PRKDC: variants seen among roughly 807,000 people sequenced by gnomAD.
PRKDC encodes DNA-dependent protein kinase catalytic subunit.
A neutral mutation model predicts 486.9 loss-of-function variants in PRKDC; 82 were observed. The ratio of observed to expected loss-of-function variants is 0.17; its 90% CI spans 0.14 to 0.20. The LOEUF (loss-of-function observed/expected upper bound fraction) is 0.20, where lower values mean the gene tolerates loss of function less well. Ranked by LOEUF, PRKDC falls within the 10% of genes least tolerant of loss-of-function variation. PRKDC has a pLI of 1.00. For missense variants in PRKDC, 4,504 were observed against 5,038.2 expected (o/e 0.89, Z 3.21); for synonymous variants, 1,895 against 1,837.0 (o/e 1.03, Z -0.81).
At chr8:47,873,419 A>C (rs1589757135) in intron 40 of PRKDC, among the ~76,000 whole-genome samples, 1 of 152,066 alleles carries the variant, frequency 6.6e-6, no homozygotes, top group East Asian at 1.9e-4. Flanking sequence ...ACTCATCTGT[A>C]ACCCCAGCTA....
Position 47,864,614 on chromosome 8 carries a change from T to G in PRKDC, c.5513A>C (p.Glu1838Ala). 6.2e-7 allele frequency: 1 copy of G among 1,610,228 alleles called. No homozygotes were observed. Among genetic ancestry groups the G allele is most frequent in the Admixed American group, 1.7e-5 (1 of 59,478 alleles). The change falls in exon 41 of 86, where the codon GAA becomes GCA. Residue 1838 changes from glutamate (E) to alanine (A), a missense_variant. Physicochemically the swap from Glu to Ala is moderately radical, Grantham distance 107. Around this residue, in one of 6 missense-constraint regions of PRKDC, gnomAD observed 1,969 missense variants for 2,068.9 expected, o/e 0.95. Transcript: ENST00000314191. ...LWHCSLDALR[E>A]FFSTIVVDAI... Reference sequence around the variant, plus strand: ...ATCCACCACAATTGTGCTGAAGAATTCTCTCAAAGCATCCAGGCTACAGTG... The same window carrying G: ...ATCCACCACAATTGTGCTGAAGAATGCTCTCAAAGCATCCAGGCTACAGTG...
chr8:47,774,229 C>A lies in PRKDC; in HGVS notation c.12331G>T (p.Ala4111Ser). Reference sequence around the variant, plus strand: ...CTGCCAAGGATGTTGGGGTCTGTTGCCTGGTCCATCAGGCACTTCACTTGA... The same window carrying A: ...CTGCCAAGGATGTTGGGGTCTGTTGACTGGTCCATCAGGCACTTCACTTGA... ...ETQVKCLMDQ[A>S]TDPNILGRTW... is the part of the protein sequence containing the mutation. The change falls in exon 86 of 86, where the codon GCA becomes TCA. Residue 4111 changes from alanine (A) to serine (S), a missense_variant. Physicochemically the swap from Ala to Ser is moderately conservative, Grantham distance 99. Transcript: ENST00000314191. The A allele has an allele frequency of 6.2e-7, 1 of 1,600,628 alleles. No individual in the cohort carries two copies.
intron 22 of PRKDC, among the ~76,000 whole-genome samples, chr8:47,915,963 C>CTACG (rs2089976022): frequency 6.6e-6 from 1 of 152,200 alleles, no homozygotes; most frequent in African/African-American, 2.4e-5. Context: ...TCTACGTACT[C>CTACG]TACTATGTTA....
At chr8:47,939,734 T>C (rs1321977158) in intron 10 of PRKDC, 37 bp from the exon 11 acceptor site, 2 of 1,464,752 alleles carry the variant, frequency 1.4e-6, no homozygotes, top group Non-Finnish European at 1.8e-6. Flanking sequence ...TGGAAATATT[T>C]AATAGCAATG....
At chr8:47,882,637 C>T (rs141034618) in intron 36 of PRKDC, among the ~76,000 whole-genome samples, 1 of 152,332 alleles carries the variant, frequency 6.6e-6, no homozygotes, top group Non-Finnish European at 1.5e-5. Context: ...CAAACGCACA[C>T]TTCTTGTTCA....
Position 47,829,974 on chromosome 8 carries a change from A to C in PRKDC, c.8397+631T>G, listed in dbSNP as rs566583067. Among the ~76,000 whole-genome samples, 5 of 152,222 alleles carry C rather than the reference A, an allele frequency of 3.3e-5. 1 individual carries two copies. The South Asian group carries it at 1.0e-3, about 32-fold the overall frequency. On this transcript the variant is annotated intron_variant, in intron 61 of 85. Transcript: ENST00000314191. ...AAAAAGAGCCCGTATAGCCAAAGCAATCCTAAGCAAAAAGAACAAAACTAG... is the reference window on the plus strand; with the variant it reads ...AAAAAGAGCCCGTATAGCCAAAGCACTCCTAAGCAAAAAGAACAAAACTAG...
At chr8:47,775,064 A>G (rs925676781) in intron 85 of PRKDC, among the ~76,000 whole-genome samples, 4 of 151,974 alleles carry the variant, frequency 2.6e-5, no homozygotes, top group African/African-American at 7.2e-5. Flanking sequence ...GCATGAACCT[A>G]TAATTCCAGC....
At chr8:47,850,054 C>T (rs1208141923) in intron 52 of PRKDC, among the ~76,000 whole-genome samples, 1 of 152,152 alleles carries the variant, frequency 6.6e-6, no homozygotes, top group African/African-American at 2.4e-5. Context: ...CCATCTGTCT[C>T]CCCTCCCCAA....
intron 2 of PRKDC, 23 bp from the exon 3 acceptor site, chr8:47,957,286 T>C (rs1217690398): frequency 3.8e-6 from 6 of 1,582,538 alleles, no homozygotes; most frequent in Non-Finnish European, 5.2e-6. Context: ...AGATACATAT[T>C]GTAAATATGG....
intron 68 of PRKDC, among the ~76,000 whole-genome samples, chr8:47,810,207 T>C (rs1357490232): frequency 6.6e-6 from 1 of 152,234 alleles, no homozygotes; most frequent in Non-Finnish European, 1.5e-5. Context: ...GAGAATCCAG[T>C]AGTCCCCCTT....
intron 68 of PRKDC, among the ~76,000 whole-genome samples, chr8:47,812,273 C>G (rs999914173): frequency 6.6e-6 from 1 of 152,160 alleles, no homozygotes; most frequent in Non-Finnish European, 1.5e-5. Flanking sequence ...GTATCCCTGA[C>G]TACCTTGATC....
At chr8:47,779,290 TA>T in intron 80 of PRKDC, 197 bp from the exon 81 acceptor site, 1 of 482,380 alleles carries the variant, frequency 2.1e-6, no homozygotes, top group East Asian at 3.4e-5. Flanking sequence ...TATTCATTCT[TA>T]ATTACTCCTA....
intron 7 of PRKDC, among the ~76,000 whole-genome samples, chr8:47,948,481 CAG>C (rs1468035597): frequency 8.4e-6 from 1 of 119,228 alleles, no homozygotes; most frequent in Non-Finnish European, 1.7e-5. Flanking sequence ...TTTTTTGAGA[CAG>C]AGTTTTGTTC....
chr8:47,901,159 A>C (rs2089675040), intron 27 of PRKDC, among the ~76,000 whole-genome samples: 1 of 146,226 alleles, frequency 6.8e-6, no homozygotes, highest in Non-Finnish European at 1.5e-5. Context: ...AGACGAAAAA[A>C]AGGGCGGGGT....
At chr8:47,806,032 A>G (rs1055953313) in intron 69 of PRKDC, among the ~76,000 whole-genome samples, 2 of 152,154 alleles carry the variant, frequency 1.3e-5, no homozygotes, top group Non-Finnish European at 2.9e-5. Flanking sequence ...CGCCCTCTGC[A>G]AACCCAGTGC....
chr8:47,908,693 G>T (rs923894643), intron 25 of PRKDC, among the ~76,000 whole-genome samples: 2 of 152,068 alleles, frequency 1.3e-5, no homozygotes, highest in African/African-American at 4.8e-5. Context: ...TCTTTTCCCA[G>T]GGAACAAGCA....
intron 50 of PRKDC, among the ~76,000 whole-genome samples, chr8:47,854,877 C>G (rs2088496999): frequency 6.6e-6 from 1 of 152,134 alleles, no homozygotes; most frequent in African/African-American, 2.4e-5. Context: ...TAGTTGATAG[C>G]AAAACTTTTT....
chr8:47,821,636 G>T lies in PRKDC; in HGVS notation c.9079C>A (p.Leu3027Ile). The T allele has an allele frequency of 1.2e-6, 2 of 1,601,538 alleles. No individual in the cohort carries two copies. The highest frequency in any genetic ancestry group is 1.7e-6 in the Non-Finnish European group (2 of 1,172,984). Residue 3027 changes from leucine (L) to isoleucine (I), a missense_variant, in exon 65 of 86, where the codon CTA (leucine) becomes ATA (isoleucine). Leu to Ile is a conservative substitution (Grantham distance 5). Transcript: ENST00000314191. ...ASIDSENPPD[L>I]NKIWSEPFYQ... ...AATGGTTCACTCCAGATTTTATTTA[G>T]GTCTGGGGGGTTCTCACTGTCTATA... is the stretch of plus-strand genomic sequence containing the variant.
chr8:47,779,791 C>T (rs866196594), intron 80 of PRKDC, among the ~76,000 whole-genome samples: 3 of 151,872 alleles, frequency 2.0e-5, no homozygotes, highest in Non-Finnish European at 2.9e-5. Flanking sequence ...GGTTTCACCA[C>T]GTTGGCCAGG....
Sources: gnomAD v4.1 joint callset for allele counts (sites outside exome capture counted in the v4.1 genomes callset) on GRCh38, gnomAD v4.1.1 for gene constraint, gnomAD v4.1.1 regional missense constraint, MANE v1.5 for transcripts, NCBI Gene and HGNC (gene_info 2026-07-23, HGNC 2026-07-21) for gene names.